WNT9B: variants seen among roughly 807,000 people sequenced by gnomAD.
WNT9B encodes Wnt family member 9B.
A neutral mutation model predicts 30.2 loss-of-function variants in WNT9B; 12 were observed. The ratio of observed to expected loss-of-function variants is 0.40; its 90% CI spans 0.26 to 0.64. The LOEUF is 0.64. WNT9B is among the 30% of genes least tolerant of loss of function. The probability of loss-of-function intolerance (pLI) is 0.42; values close to 1 mark genes in which losing one functional copy is unlikely to be tolerated. For synonymous variants in WNT9B, 218 were observed against 216.9 expected, an observed-to-expected ratio of 1.01 and a Z score of -0.05; for missense variants, 442 against 485.2, an observed-to-expected ratio of 0.91 and a Z score of 0.84.
chr17:46,861,935 A>G (rs1033869697), intron 1 of WNT9B, among the ~76,000 whole-genome samples: 1 of 152,188 alleles, frequency 6.6e-6, no homozygotes, highest in Non-Finnish European at 1.5e-5. Context: ...AGGCTGAGGC[A>G]GGTGGATCAC....
chr17:46,885,136 G>T (rs1024797273), downstream of WNT9B: 13 of 392,344 alleles, frequency 3.3e-5, no homozygotes, highest in Middle Eastern at 8.6e-4. Flanking sequence ...TTACAGGCAT[G>T]CACCACCACG....
chr17:46,876,858 C>G lies in WNT9B; in HGVS notation c.*140C>G. The G allele has an allele frequency of 7.1e-7, 1 of 1,412,658 alleles. No homozygotes were observed. The highest frequency in any genetic ancestry group is 9.3e-7 in the Non-Finnish European group (1 of 1,079,576). The allele number at this position is 1,412,658 out of a possible 1,614,324, so 87.5% of individuals were successfully genotyped here. On this transcript the variant is annotated 3_prime_UTR_variant, in exon 4 of 4. Coordinates refer to ENST00000290015, the MANE Select transcript of WNT9B (RefSeq NM_003396.3). The stretch of plus-strand genomic sequence containing the variant: ...TGTGCCAATGCACACGAGTGTGCCA[C>G]TCACCACCATTCCTTGGCCAGCCTT...
intron 1 of WNT9B, among the ~76,000 whole-genome samples, chr17:46,843,785 C>T (rs1482750221): frequency 6.6e-6 from 1 of 152,202 alleles, no homozygotes; most frequent in Non-Finnish European, 1.5e-5. Flanking sequence ...CTAGTTTACA[C>T]TTATATAGAT....
chr17:46,872,509 C>G lies in WNT9B; in HGVS notation c.78-8C>G. The G allele has an allele frequency of 6.8e-7, 1 of 1,476,740 alleles. No homozygotes were observed. The highest frequency in any genetic ancestry group is 9.0e-7 in the Non-Finnish European group (1 of 1,109,212). The allele number at this position is 1,476,740 out of a possible 1,614,324, so 91.5% of individuals were successfully genotyped here. On this transcript the variant is annotated splice_region_variant and splice_polypyrimidine_tract_variant and intron_variant, in intron 1 of 3. Transcript: ENST00000290015. ...GCTCACCTGTCTCCCTCCTCTCGCT[C>G]TCTCTAGCCTGACCGGGCGGGAAGT...
chr17:46,856,151 T>C (rs2084934653), intron 1 of WNT9B, among the ~76,000 whole-genome samples: 1 of 152,238 alleles, frequency 6.6e-6, no homozygotes, highest in Non-Finnish European at 1.5e-5. Context: ...GAGAAGTTTA[T>C]GAAAGCCCAA....
chr17:46,839,692 G>A (rs1280192445), intron 1 of WNT9B, among the ~76,000 whole-genome samples: 5 of 148,266 alleles, frequency 3.4e-5, no homozygotes, highest in Non-Finnish European at 7.4e-5. Flanking sequence ...AGTCCCCCCC[G>A]CCAAGAGGCC....
At chr17:46,842,786 T>C (rs1364139211) in intron 1 of WNT9B, among the ~76,000 whole-genome samples, 3 of 152,246 alleles carry the variant, frequency 2.0e-5, no homozygotes, top group African/African-American at 7.2e-5. Context: ...GATTAGTTTT[T>C]TGAAACCATC....
At chr17:46,841,385 A>T (rs1344652201) in intron 1 of WNT9B, among the ~76,000 whole-genome samples, 4 of 152,196 alleles carry the variant, frequency 2.6e-5, no homozygotes, top group Admixed American at 2.6e-4. Context: ...GGTGGGAAGA[A>T]GGAAAGTCAT....
chr17:46,882,908 C>T (rs907025281), downstream of WNT9B, among the ~76,000 whole-genome samples: 6 of 152,160 alleles, frequency 3.9e-5, no homozygotes, highest in African/African-American at 1.2e-4. Context: ...CTCCACCCCA[C>T]ACAGGCATTC....
intron 1 of WNT9B, among the ~76,000 whole-genome samples, chr17:46,859,377 C>T (rs984867266): frequency 1.3e-5 from 2 of 152,154 alleles, no homozygotes; most frequent in African/African-American, 4.8e-5. Context: ...TGAATGTCCA[C>T]GTGTTTCAGT....
downstream of WNT9B, among the ~76,000 whole-genome samples, chr17:46,881,681 A>G (rs535973264): frequency 6.6e-6 from 1 of 152,220 alleles, no homozygotes; most frequent in Non-Finnish European, 1.5e-5. Context: ...CAATGCCACC[A>G]TCTTCCAGGA....
Position 46,879,280 on chromosome 17 carries a change from G to A in WNT9B, c.*2562G>A, listed in dbSNP as rs979098088. 2.0e-5 allele frequency among the ~76,000 whole-genome samples: 3 copies of A among 152,134 alleles called. No individual in the cohort carries two copies. Among genetic ancestry groups the A allele is most frequent in the Non-Finnish European group, 4.4e-5 (3 of 68,022 alleles). On this transcript the variant is annotated 3_prime_UTR_variant, in exon 4 of 4. Transcript: ENST00000290015. ...CCCCCACTGAGCAGGAGGCCGGGTC[G>A]CTGGGAAGGAGGACAAACCTGTATT...
rs556883823 is a variant in WNT9B, at chr17:46,879,251, G to A, written c.*2533G>A. 6.6e-6 allele frequency among the ~76,000 whole-genome samples: 1 copy of A among 152,112 alleles called. No homozygotes were observed. The highest frequency in any genetic ancestry group is 1.5e-5 in the Non-Finnish European group (1 of 68,016). ...TGGGGAGATACAGCCTGACCTGACC[G>A]GGTCCCCCACTGAGCAGGAGGCCGG... On this transcript the variant is annotated 3_prime_UTR_variant, in exon 4 of 4. Transcript: ENST00000290015.
At chr17:46,885,465 G>GC, downstream of WNT9B, 1 of 155,220 alleles carries the variant, frequency 6.4e-6, no homozygotes, top group African/African-American at 2.4e-5. Flanking sequence ...ACCACGCTCA[G>GC]CTAATTTTTG....
chr17:46,841,793 A>G (rs1231848677), intron 1 of WNT9B, among the ~76,000 whole-genome samples: 1 of 152,232 alleles, frequency 6.6e-6, no homozygotes. Flanking sequence ...TCCAGCTGAG[A>G]GACCTTGAGC....
chr17:46,876,345 C>T lies in WNT9B; in HGVS notation c.701C>T (p.Thr234Met), dbSNP rs139124897. 407 of 1,614,146 alleles carry T rather than the reference C, an allele frequency of 2.5e-4. No homozygotes were observed. Among genetic ancestry groups the T allele is most frequent in the African/African-American group, 1.0e-3 (75 of 75,084 alleles). The change falls in exon 4 of 4, where the codon ACG (threonine) becomes ATG (methionine). Residue 234 changes from threonine to methionine, a missense_variant. Thr to Met is a moderately conservative substitution (Grantham distance 81). Coordinates refer to ENST00000290015, the MANE Select transcript of WNT9B (RefSeq NM_003396.3). Reference sequence around the variant, plus strand: ...AAGCAGCTCTCCCCGTTCCGTGAGACGGGCCAGGTGCTGAAACTGCGCTAT... The same window carrying T: ...AAGCAGCTCTCCCCGTTCCGTGAGATGGGCCAGGTGCTGAAACTGCGCTAT... ...CWKQLSPFRE[T>M]GQVLKLRYDS...
At chr17:46,870,904 CTT>C (rs144277402) in intron 1 of WNT9B, among the ~76,000 whole-genome samples, 903 of 78,380 alleles carry the variant, frequency 0.012, 6 homozygotes, top group African/African-American at 0.028. Flanking sequence ...TCCACCTTTG[CTT>C]TTTTTTTTTT....
intron 2 of WNT9B, 71 bp downstream of exon 2, chr17:46,872,844 G>T: frequency 2.0e-6 from 3 of 1,486,066 alleles, no homozygotes; most frequent in Non-Finnish European, 2.7e-6. Context: ...GCTGGGAGAG[G>T]CTGCCCTTTC....
At chr17:46,872,489 C>T (rs1391846589) in intron 1 of WNT9B, 28 bp from the exon 2 acceptor site, 1 of 1,463,958 alleles carries the variant, frequency 6.8e-7, no homozygotes, top group Non-Finnish European at 9.1e-7. Flanking sequence ...CCAAGGCTCA[C>T]CTGTCTCCCT....
Sources: allele counts gnomAD v4.1 joint callset (sites outside exome capture counted in the v4.1 genomes callset), GRCh38; gene constraint gnomAD v4.1.1; transcripts MANE v1.5; gene names NCBI Gene and HGNC (gene_info 2026-07-23, HGNC 2026-07-21).